Variants in PTPRD observed in about 807,000 individuals in gnomAD.
PTPRD encodes receptor-type tyrosine-protein phosphatase delta.
Under a neutral mutation model 214.5 loss-of-function variants are expected in PTPRD, and 34 were observed. The observed-to-expected ratio is 0.16, with a 90% CI of 0.12 to 0.21. PTPRD has a LOEUF of 0.21. Among genes scored for constraint, PTPRD ranks in the 10% least tolerant of loss-of-function variants. The pLI is 1.00. For missense variants in PTPRD, 2,545 were observed against 2,398.7 expected (o/e 1.06, Z -1.27); for synonymous variants, 1,128 against 845.7 (o/e 1.33, Z -5.79).
chr9:10,544,172 T>A (rs1161083628), intron 2 of PTPRD, among the ~76,000 whole-genome samples: 1 of 152,170 alleles, frequency 6.6e-6, no homozygotes, highest in Non-Finnish European at 1.5e-5. Context: ...ATATAAGGTT[T>A]CTGAGATAAA....
At chr9:8,969,161 C>G (rs2099220031) in intron 11 of PTPRD, among the ~76,000 whole-genome samples, 2 of 152,002 alleles carry the variant, frequency 1.3e-5, no homozygotes, top group Non-Finnish European at 2.9e-5. Flanking sequence ...GTTAGAGAAA[C>G]AGAAACTAAA....
At chr9:9,642,628 C>T (rs1489687528) in intron 7 of PTPRD, among the ~76,000 whole-genome samples, 1 of 152,120 alleles carries the variant, frequency 6.6e-6, no homozygotes, top group African/African-American at 2.4e-5. Flanking sequence ...CGAGAAATAG[C>T]AGCCGGACCC....
At chr9:8,435,975 G>T (rs1211728965) in intron 35 of PTPRD, among the ~76,000 whole-genome samples, 2 of 152,192 alleles carry the variant, frequency 1.3e-5, no homozygotes, top group Non-Finnish European at 2.9e-5. Flanking sequence ...AGAGTCTTGA[G>T]AAATGTACTT....
At chr9:8,542,592 T>G (rs2078757683) in intron 14 of PTPRD, among the ~76,000 whole-genome samples, 1 of 152,182 alleles carries the variant, frequency 6.6e-6, no homozygotes, top group African/African-American at 2.4e-5. Flanking sequence ...GAGGCACTCA[T>G]GAAACAGTAT....
chr9:10,555,507 G>C (rs938175611), intron 2 of PTPRD, among the ~76,000 whole-genome samples: 1 of 152,120 alleles, frequency 6.6e-6, no homozygotes, highest in Non-Finnish European at 1.5e-5. Flanking sequence ...GAGCACTTGG[G>C]TTTTTGCAGC....
At position 9,409,154 on chromosome 9, in the gene PTPRD, A is replaced by G. The variant is rs989806510; in HGVS notation, c.-236-11672T>C. Among the ~76,000 whole-genome samples the G allele has an allele frequency of 2.0e-5, 3 of 152,082 alleles. No homozygotes were observed. In the East Asian group the frequency reaches 5.8e-4, roughly 29 times the overall value. ...CTTATTTTAATATAAAGACAAATAT[A>G]TGTGTGCTGAGCTTATCTCAGTATA... On this transcript the variant is annotated intron_variant, in intron 8 of 45. Coordinates refer to ENST00000381196, the MANE Select transcript of PTPRD (RefSeq NM_002839.4).
chr9:10,507,555 A>G (rs1010301748), intron 2 of PTPRD, among the ~76,000 whole-genome samples: 2 of 152,188 alleles, frequency 1.3e-5, no homozygotes, highest in East Asian at 3.8e-4. Context: ...ACTATACTAC[A>G]AGACTACAGT....
chr9:10,247,511 C>T (rs968923420), intron 3 of PTPRD, among the ~76,000 whole-genome samples: 2 of 152,128 alleles, frequency 1.3e-5, no homozygotes, highest in Admixed American at 6.6e-5. Context: ...TTACCATATT[C>T]TCTAAATACT....
intron 12 of PTPRD, among the ~76,000 whole-genome samples, chr9:8,696,216 G>C (rs2097908334): frequency 6.6e-6 from 1 of 152,202 alleles, no homozygotes. Context: ...GGGAAACCAA[G>C]AGGGCTGGCC....
intron 44 of PTPRD, 64 bp downstream of exon 44, chr9:8,331,518 G>C (rs1356435641): frequency 1.9e-6 from 3 of 1,574,478 alleles, no homozygotes; most frequent in East Asian, 2.3e-5. Flanking sequence ...ACTACAAAAA[G>C]TGTATACAGA....
chr9:9,462,874 G>T (rs912656619), intron 8 of PTPRD, among the ~76,000 whole-genome samples: 4 of 152,076 alleles, frequency 2.6e-5, no homozygotes, highest in African/African-American at 9.7e-5. Flanking sequence ...TTTACCAAAA[G>T]TTCTTGTCTG....
chr9:9,411,441 G>A (rs1053918086), intron 8 of PTPRD, among the ~76,000 whole-genome samples: 2 of 151,952 alleles, frequency 1.3e-5, no homozygotes, highest in Non-Finnish European at 2.9e-5. Flanking sequence ...TGCCTATGAA[G>A]ATCATCATCA....
At chr9:10,342,034 G>T (rs995855163) in intron 2 of PTPRD, among the ~76,000 whole-genome samples, 3 of 152,020 alleles carry the variant, frequency 2.0e-5, no homozygotes, top group African/African-American at 7.2e-5. Context: ...TCAATAAATT[G>T]TGGTTCTTGG....
At chr9:8,679,020 T>A (rs1446066862) in intron 12 of PTPRD, among the ~76,000 whole-genome samples, 1 of 152,208 alleles carries the variant, frequency 6.6e-6, no homozygotes, top group African/African-American at 2.4e-5. Context: ...CAGGAATTTC[T>A]GAGTTAAACA....
chr9:10,055,739 G>A (rs1383462696), intron 3 of PTPRD, among the ~76,000 whole-genome samples: 1 of 151,794 alleles, frequency 6.6e-6, no homozygotes, highest in Non-Finnish European at 1.5e-5. Context: ...GCTGCACCCA[G>A]AAGAAAAAGC....
intron 5 of PTPRD, among the ~76,000 whole-genome samples, chr9:9,901,864 G>A (rs1204357794): frequency 6.6e-6 from 1 of 152,140 alleles, no homozygotes; most frequent in African/African-American, 2.4e-5. Flanking sequence ...AGAGCAGGGG[G>A]AAGTGCTACA....
At chr9:9,714,439 T>G (rs60759958) in intron 7 of PTPRD, among the ~76,000 whole-genome samples, 12 of 152,286 alleles carry the variant, frequency 7.9e-5, no homozygotes, top group Admixed American at 7.8e-4. Flanking sequence ...GCATGGAACA[T>G]ATTTTGGCAT....
chr9:9,364,299 T>C (rs2057222444), intron 9 of PTPRD, among the ~76,000 whole-genome samples: 1 of 151,426 alleles, frequency 6.6e-6, no homozygotes. Context: ...TGGATTACAG[T>C]AGTAAACAAA....
chr9:10,248,384 G>C (rs2092404294), intron 3 of PTPRD, among the ~76,000 whole-genome samples: 1 of 151,362 alleles, frequency 6.6e-6, no homozygotes, highest in Non-Finnish European at 1.5e-5. Flanking sequence ...ACTTATTGAA[G>C]AAAAACTTGG....
Sources: gnomAD v4.1 joint callset for allele counts (sites outside exome capture counted in the v4.1 genomes callset) on GRCh38, gnomAD v4.1.1 for gene constraint, MANE v1.5 for transcripts, NCBI Gene and HGNC (gene_info 2026-07-23, HGNC 2026-07-21) for gene names.